Variants in WDR87 observed in about 807,000 individuals in gnomAD.
WDR87 encodes WD repeat domain 87.
In WDR87, 56 loss-of-function variants were observed where a neutral mutation model predicts 83.3. The ratio of observed to expected loss-of-function variants is 0.67; its 90% CI spans 0.54 to 0.84. WDR87 has a LOEUF of 0.84. Among genes scored for constraint, WDR87 ranks in the 40% least tolerant of loss-of-function variants. The probability of loss-of-function intolerance (pLI) is 0.00; values close to 1 mark genes in which losing one functional copy is unlikely to be tolerated. For missense variants in WDR87, 2,939 were observed against 3,431.9 expected, an observed-to-expected ratio of 0.86 and a Z score of 3.59; for synonymous variants, 1,173 against 1,250.6, an observed-to-expected ratio of 0.94 and a Z score of 1.31.
At chr19:37,890,403 T>TAAAA in intron 5 of WDR87, 127 bp from the exon 6 acceptor site, 3 of 1,008,426 alleles carry the variant, frequency 3.0e-6, no homozygotes, top group Non-Finnish European at 3.9e-6. Context: ...ACTGAGGCCT[T>TAAAA]AAAAAAAAAA....
Position 37,892,775 on chromosome 19 carries a change from G to C in WDR87, c.2928C>G (p.Ile976Met). Residue 976 changes from isoleucine (I) to methionine (M), a missense_variant, in exon 4 of 6, where the codon ATC becomes ATG. Transcript: ENST00000447313. ...LNDTTNSNPL[I>M]RELAWEGLKR... ...TCAGCCCTTCCCAAGCTAGTTCTCG[G>C]ATCAGCGGGTTGGAATTGGTTGTAT... 6.4e-7 allele frequency: 1 copy of C among 1,551,702 alleles called. No individual in the cohort carries two copies. The highest frequency in any genetic ancestry group is 2.0e-5 in the Admixed American group (1 of 51,004).
At position 37,896,242 on chromosome 19, in the gene WDR87, CT is replaced by C; in HGVS notation, c.141del (p.Glu48SerfsTer27). On this transcript the variant is annotated frameshift_variant, in exon 3 of 6. Transcript: ENST00000447313. LOFTEE classifies it high-confidence loss of function. ...VLSDRSQVLF[K>X]ESRYPQNMPC... ...GGCATATTTTGAGGATAGCGAGACT[CT>C]TTGAACAGTACCTGGGACCGGTCAC... The C allele has an allele frequency of 6.4e-7, 1 of 1,552,130 alleles. No individual in the cohort carries two copies. The highest frequency in any genetic ancestry group is 8.7e-7 in the Non-Finnish European group (1 of 1,147,084).
rs563891292 is a variant in WDR87, at chr19:37,896,078, C to T, written c.246+60G>A. On this transcript the variant is annotated intron_variant, in intron 3 of 5. Transcript: ENST00000447313. ...ATCCTCCTTTGTCAATCTGGGCTAA[C>T]AGTTATATGGGCATGGCTCTTGGAG... is the stretch of plus-strand genomic sequence containing the variant. The T allele has an allele frequency of 7.1e-6, 11 of 1,538,514 alleles. No individual in the cohort carries two copies. In the Admixed American group the frequency reaches 7.9e-5, roughly 11 times the overall value.
rs2046131464 is a variant in WDR87 at position 37,885,125 on chromosome 19, C to T, written c.8546G>A (p.Gly2849Asp). The T allele has an allele frequency of 3.4e-6, 5 of 1,462,674 alleles. No homozygotes were observed. Among genetic ancestry groups the T allele is most frequent in the Non-Finnish European group, 3.6e-6 (4 of 1,107,726 alleles). The allele number at this position is 1,462,674 out of a possible 1,614,324, so 90.6% of individuals were successfully genotyped here. Residue 2849 changes from glycine to aspartate, a missense_variant, in exon 6 of 6, where the codon GGC becomes GAC. By Grantham distance (94) the Gly-to-Asp change is moderately conservative. Transcript: ENST00000447313. ...AGGACTTCTAGGAGTATGAGAACTG[C>T]CACAAAACAGGCAGCAGAACAGCCG... ...GERLFCCLFC[G>D]SSHTPRSPQE... is the part of the protein sequence containing the mutation.
chr19:37,893,921 A>G lies in WDR87; in HGVS notation c.1782T>C (p.Asn594=). Residue 594 remains asparagine (N), a synonymous_variant, in exon 4 of 6, where the codon AAT becomes AAC. Coordinates refer to ENST00000447313, the MANE Select transcript of WDR87 (RefSeq NM_001291088.2). ...GCAGTGTTTCTATGAATTTCAAGCC[A>G]TTCTGTGACCCAGAGGACAGAAAAT... is the stretch of plus-strand genomic sequence containing the variant. ...FHDFLSSGSQ[N]GLKFIETLPL... is the part of the protein sequence containing the mutation. The G allele has an allele frequency of 6.4e-7, 1 of 1,551,936 alleles. No homozygotes were observed. Among genetic ancestry groups the G allele is most frequent in the African/African-American group, 1.4e-5 (1 of 73,178 alleles).
At chr19:37,900,560 C>CAAAAAAAAAAAAAAA (rs58946958) in intron 1 of WDR87, among the ~76,000 whole-genome samples, 5 of 78,086 alleles carry the variant, frequency 6.4e-5, no homozygotes, top group East Asian at 8.4e-4. Flanking sequence ...GACTCCGTCT[C>CAAAAAAAAAAAAAAA]AAAAAAAAAA....
chr19:37,893,380 A>G lies in WDR87; in HGVS notation c.2323T>C (p.Trp775Arg), dbSNP rs1437245521. ...MHYSLQDMED[W>R]MQVSKRYQCH... The stretch of plus-strand genomic sequence containing the variant: ...TGGTAACGTTTGCTCACCTGCATCC[A>G]ATCTTCCATGTCCTGCAAAGAATAA... The change falls in exon 4 of 6, where the codon TGG (tryptophan) becomes CGG (arginine). Residue 775 changes from tryptophan to arginine, a missense_variant. Around this residue, in one of 3 missense-constraint regions of WDR87, gnomAD observed 2,160 missense variants for 2,533.1 expected, o/e 0.85. Transcript: ENST00000447313. 32 of 1,552,020 alleles carry G rather than the reference A, an allele frequency of 2.1e-5. No individual in the cohort carries two copies. Among genetic ancestry groups the G allele is most frequent in the Non-Finnish European group, 2.6e-5 (30 of 1,147,114 alleles).
Position 37,895,076 on chromosome 19 carries a change from G to A in WDR87, c.627C>T (p.Ser209=). Residue 209 remains serine, a synonymous_variant, in exon 4 of 6, where the codon TCC becomes TCT. Transcript: ENST00000447313. ...CCACCGTCTCACACAGGGCCAGGAG[G>A]GAGCCACTGGGACCATTCAGCACGA... ...QDIVLNGPSG[S]LLALCETVVR... is the part of the protein sequence containing the mutation. 2 of 1,551,716 alleles carry A rather than the reference G, an allele frequency of 1.3e-6. No individual in the cohort carries two copies. Among genetic ancestry groups the A allele is most frequent in the East Asian group, 2.4e-5 (1 of 40,930 alleles).
At chr19:37,901,953 C>T (rs574447828) in intron 1 of WDR87, among the ~76,000 whole-genome samples, 9 of 152,112 alleles carry the variant, frequency 5.9e-5, no homozygotes, top group Non-Finnish European at 1.0e-4. Flanking sequence ...TGGGCTCAAG[C>T]GATCCACCTG....
Position 37,886,659 on chromosome 19 carries a change from C to G in WDR87, c.7012G>C (p.Val2338Leu), listed in dbSNP as rs1400322124. The G allele has an allele frequency of 2.1e-5, 32 of 1,497,996 alleles. No homozygotes were observed. Among genetic ancestry groups the G allele is most frequent in the Non-Finnish European group, 2.7e-5 (30 of 1,104,324 alleles). 92.8% of individuals were successfully genotyped at this position (1,497,996 alleles called of 1,614,324 possible). ...TCAAACACTTCTTCCTTCTCCTGAA[C>G]CTCCTCCTTCTTCTTTTCCTTTTTC... ...KKKKEKKKEE[V>L]QEKEEVFEEK... The change falls in exon 6 of 6, where the codon GTT becomes CTT. Residue 2338 changes from valine to leucine, a missense_variant. By Grantham distance (32) the Val-to-Leu change is conservative (BLOSUM62 1). Around this residue, in one of 3 missense-constraint regions of WDR87, gnomAD observed 2,160 missense variants for 2,533.1 expected, o/e 0.85. Coordinates refer to ENST00000447313, the MANE Select transcript of WDR87 (RefSeq NM_001291088.2).
At chr19:37,905,741 G>A (rs1454259875) in intron 1 of WDR87, among the ~76,000 whole-genome samples, 5 of 152,146 alleles carry the variant, frequency 3.3e-5, no homozygotes, top group South Asian at 4.2e-4. Flanking sequence ...TTTTAGTAGA[G>A]ATAGGGTCTT....
At position 37,886,755 on chromosome 19, in the gene WDR87, C is replaced by T; in HGVS notation, c.6916G>A (p.Glu2306Lys). The T allele has an allele frequency of 1.5e-6, 2 of 1,329,416 alleles. No individual in the cohort carries two copies. The highest frequency in any genetic ancestry group is 3.0e-5 in the South Asian group (2 of 65,616). The allele number at this position is 1,329,416 out of a possible 1,614,324, so 82.4% of individuals were successfully genotyped here. A position where few individuals can be genotyped will look rare whatever the true frequency, so the allele number is the denominator to read the frequency against. The change falls in exon 6 of 6, where the codon GAG (glutamate) becomes AAG (lysine). Residue 2306 changes from glutamate to lysine, a missense_variant. Physicochemically the swap from Glu to Lys is moderately conservative, Grantham distance 56. This residue lies in a region of WDR87 where 2,160 missense variants were observed against 2,533.1 expected (regional missense o/e 0.85). Transcript: ENST00000447313. ...REEEEEREEEEERKEEEEGEE... is the reference protein window; with the variant it reads ...REEEEEREEEKERKEEEEGEE... ...CCTTCCTCCTCCTCCTTCCTTTCCT[C>T]CTCCTCCTCCCTTTCCTCCTCCTCC...
chr19:37,904,503 C>T (rs1298057108), intron 1 of WDR87, among the ~76,000 whole-genome samples: 4 of 152,070 alleles, frequency 2.6e-5, no homozygotes, highest in East Asian at 1.9e-4. Flanking sequence ...GGATTACAGG[C>T]GTGCGCCACC....
chr19:37,891,501 AC>A lies in WDR87; in HGVS notation c.3394+50del. The A allele has an allele frequency of 2.6e-6, 4 of 1,539,586 alleles. No individual in the cohort carries two copies. In the South Asian group the frequency reaches 4.8e-5, roughly 19 times the overall value. On this transcript the variant is annotated intron_variant, in intron 5 of 5. Coordinates refer to ENST00000447313, the MANE Select transcript of WDR87 (RefSeq NM_001291088.2). The stretch of plus-strand genomic sequence containing the variant: ...CTCTTGATCCACTTTAACCCTAACT[AC>A]CCTGCCTCTTGGGGACCCTGAGGCA...
chr19:37,893,569 T>G lies in WDR87; in HGVS notation c.2134A>C (p.Thr712Pro). 1 of 1,551,788 alleles carries G rather than the reference T, an allele frequency of 6.4e-7. No individual in the cohort carries two copies. Among genetic ancestry groups the G allele is most frequent in the Non-Finnish European group, 8.7e-7 (1 of 1,147,036 alleles). The part of the protein sequence containing the change: ...FIPSFFFSFE[T>P]MFVPKYIYPG... ...TAGATGTACTTGGGCACAAACATGG[T>G]CTCAAAGGAGAAGAAGAAGCTTGGT... The change falls in exon 4 of 6, where the codon ACC (threonine) becomes CCC (proline). Residue 712 changes from threonine (T) to proline (P), a missense_variant. Physicochemically the swap from Thr to Pro is conservative, Grantham distance 38. Transcript: ENST00000447313.
chr19:37,888,750 G>A lies in WDR87; in HGVS notation c.4921C>T (p.Leu1641Phe), dbSNP rs1372959420. Residue 1641 changes from leucine (L) to phenylalanine (F), a missense_variant, in exon 6 of 6, where the codon CTT becomes TTT. By Grantham distance (22) the Leu-to-Phe change is conservative. Around this residue, in one of 3 missense-constraint regions of WDR87, gnomAD observed 2,160 missense variants for 2,533.1 expected, o/e 0.85. Coordinates refer to ENST00000447313, the MANE Select transcript of WDR87 (RefSeq NM_001291088.2). ...GCCAACTGTCTCTCTTCTTGTGCAA[G>A]TTTCTCTTCTTCTTGTGCTAATTTC... is the stretch of plus-strand genomic sequence containing the variant. ...ERKLAQEEEK[L>F]AQEERQLAQE... 6.4e-7 allele frequency: 1 copy of A among 1,551,736 alleles called. No homozygotes were observed. Among genetic ancestry groups the A allele is most frequent in the South Asian group, 1.2e-5 (1 of 84,010 alleles).
At chr19:37,898,328 C>T (rs1270843488) in intron 1 of WDR87, 43 bp from the exon 2 acceptor site, 15 of 1,500,850 alleles carry the variant, frequency 1.0e-5, no homozygotes, top group Non-Finnish European at 1.3e-5. Context: ...CTGCCATTTT[C>T]CGAGAAGCTA....
chr19:37,890,234 T>C lies in WDR87; in HGVS notation c.3437A>G (p.Asp1146Gly). Residue 1146 changes from aspartate (D) to glycine (G), a missense_variant, in exon 6 of 6, where the codon GAC becomes GGC. Asp to Gly is a moderately conservative substitution (Grantham distance 94). Around this residue, in one of 3 missense-constraint regions of WDR87, gnomAD observed 2,160 missense variants for 2,533.1 expected, o/e 0.85. Transcript: ENST00000447313. ...LRGLKKTKER[D>G]SKQMSTEPGL... is the part of the protein sequence containing the mutation. ...TGGCTCTGTGCTCATCTGTTTAGAG[T>C]CTCTCTCTTTCGTCTTCTTGAGACC... The C allele has an allele frequency of 6.5e-7, 1 of 1,545,690 alleles. No homozygotes were observed. The highest frequency in any genetic ancestry group is 8.7e-7 in the Non-Finnish European group (1 of 1,143,818).
At position 37,889,797 on chromosome 19, in the gene WDR87, T is replaced by C. The variant is rs955520145; in HGVS notation, c.3874A>G (p.Arg1292Gly). The change falls in exon 6 of 6, where the codon AGG becomes GGG. Residue 1292 changes from arginine (R) to glycine (G), a missense_variant. Physicochemically the swap from Arg to Gly is moderately radical, Grantham distance 125. Around this residue, in one of 3 missense-constraint regions of WDR87, gnomAD observed 2,160 missense variants for 2,533.1 expected, o/e 0.85. Coordinates refer to ENST00000447313, the MANE Select transcript of WDR87 (RefSeq NM_001291088.2). ...ATTTTTGTTTGGGAACCAGATATCC[T>C]CAGGGCCATAAGACGACATAGATCG... ...RDDLCRLMAL[R>G]ISGSQTKMSE... The C allele has an allele frequency of 1.3e-6, 2 of 1,551,762 alleles. No homozygotes were observed. The highest frequency in any genetic ancestry group is 1.7e-6 in the Non-Finnish European group (2 of 1,147,020).
Sources: gnomAD v4.1 joint callset for allele counts (sites outside exome capture counted in the v4.1 genomes callset) on GRCh38, gnomAD v4.1.1 for gene constraint, gnomAD v4.1.1 regional missense constraint, MANE v1.5 for transcripts, NCBI Gene and HGNC (gene_info 2026-07-23, HGNC 2026-07-21) for gene names.